The following TMEM178A variants were observed in gnomAD, a reference collection of about 807,000 sequenced individuals.
TMEM178A encodes transmembrane protein 178.
A neutral mutation model predicts 29.1 loss-of-function variants in TMEM178A; 12 were observed. The observed-to-expected ratio is 0.41, with a 90% CI of 0.26 to 0.67. The LOEUF (loss-of-function observed/expected upper bound fraction) is 0.67. TMEM178A is among the 30% of genes least tolerant of loss of function. The probability of loss-of-function intolerance (pLI) is 0.29; values close to 1 mark genes in which losing one functional copy is unlikely to be tolerated. For synonymous variants in TMEM178A, 210 were observed against 187.2 expected, an observed-to-expected ratio of 1.12 and a Z score of -0.99; for missense variants, 366 against 419.1, an observed-to-expected ratio of 0.87 and a Z score of 1.11.
intron 1 of TMEM178A, among the ~76,000 whole-genome samples, chr2:39,676,923 T>G (rs1475130898): frequency 6.6e-6 from 1 of 152,222 alleles, no homozygotes; most frequent in Admixed American, 6.5e-5. Context: ...TTTGAAGAGC[T>G]GTTTGAGTCT....
At chr2:39,670,690 C>T (rs1166078745) in intron 1 of TMEM178A, among the ~76,000 whole-genome samples, 1 of 152,206 alleles carries the variant, frequency 6.6e-6, no homozygotes, top group African/African-American at 2.4e-5. Context: ...ATGCTTCTTT[C>T]AGTTCTTGAA....
At chr2:39,724,363 CCTGA>C in the TMEM178A span, among the ~76,000 whole-genome samples, 1 of 152,124 alleles carries the variant, frequency 6.6e-6, no homozygotes, top group Non-Finnish European at 1.5e-5. Context: ...GTCCTTTCTC[CCTGA>C]CTGTCTTGAT....
chr2:39,710,114 C>G (rs1283696949), intron 3 of TMEM178A, among the ~76,000 whole-genome samples: 1 of 152,110 alleles, frequency 6.6e-6, no homozygotes, highest in African/African-American at 2.4e-5. Context: ...CAGAGGAGCT[C>G]AGAGGTCCTC....
intron 1 of TMEM178A, among the ~76,000 whole-genome samples, chr2:39,700,474 A>G (rs1228764998): frequency 6.6e-6 from 1 of 151,708 alleles, no homozygotes; most frequent in East Asian, 1.9e-4. Context: ...GTTTTGTTTG[A>G]TATTAGTATA....
chr2:39,713,708 C>A (rs1481665608), intron 3 of TMEM178A, among the ~76,000 whole-genome samples: 1 of 152,194 alleles, frequency 6.6e-6, no homozygotes, highest in Non-Finnish European at 1.5e-5. Flanking sequence ...TTAAGCCACC[C>A]AGTCCGTGGT....
intron 1 of TMEM178A, among the ~76,000 whole-genome samples, chr2:39,701,862 A>C (rs1269637655): frequency 6.6e-6 from 1 of 151,478 alleles, no homozygotes; most frequent in Admixed American, 6.6e-5. Context: ...ATACTTTTCA[A>C]CTCCAGAATT....
intron 2 of TMEM178A, among the ~76,000 whole-genome samples, chr2:39,705,898 T>C (rs1672010370): frequency 6.6e-6 from 1 of 152,220 alleles, no homozygotes; most frequent in Non-Finnish European, 1.5e-5. Flanking sequence ...TTACCTGGCC[T>C]TGGGGGCAGC....
chr2:39,683,711 G>C (rs191550301), intron 1 of TMEM178A, among the ~76,000 whole-genome samples: 1 of 152,204 alleles, frequency 6.6e-6, no homozygotes, highest in Non-Finnish European at 1.5e-5. Context: ...TGCCACAATC[G>C]TGTACCACTT....
intron 3 of TMEM178A, among the ~76,000 whole-genome samples, chr2:39,710,317 G>A (rs1179897261): frequency 1.3e-5 from 2 of 152,154 alleles, no homozygotes; most frequent in Non-Finnish European, 2.9e-5. Flanking sequence ...TGTTTTGGTT[G>A]CCCAAACAAC....
the TMEM178A span, among the ~76,000 whole-genome samples, chr2:39,726,343 G>A: frequency 0.049 from 7,496 of 152,250 alleles, 629 homozygotes; most frequent in African/African-American, 0.17. Flanking sequence ...GTCCAGGAAG[G>A]GTAGATAGCA....
In TMEM178A at chr2:39,691,462, G is replaced by A. The variant is rs116554277; in HGVS notation, c.401-12619G>A. On this transcript the variant is annotated intron_variant, in intron 1 of 3. Transcript: ENST00000281961. ...ATACTTACTTTTTAGAGTGCCTGTTGTTAAAACAAAACAAAACAAAAGGTA... is the reference window on the plus strand; with the variant it reads ...ATACTTACTTTTTAGAGTGCCTGTTATTAAAACAAAACAAAACAAAAGGTA... Among the ~76,000 whole-genome samples the A allele has an allele frequency of 4.2e-3, 637 of 152,300 alleles. 3 individuals carry two copies. Among genetic ancestry groups the A allele is most frequent in the African/African-American group, 0.014 (564 of 41,568 alleles).
the TMEM178A span, among the ~76,000 whole-genome samples, chr2:39,729,616 C>T: frequency 6.6e-6 from 1 of 152,184 alleles, no homozygotes; most frequent in Admixed American, 6.6e-5. Context: ...CTCATCCTCT[C>T]CCCTTCTGAC....
intron 3 of TMEM178A, among the ~76,000 whole-genome samples, chr2:39,708,410 T>TA (rs1491484770): frequency 7.1e-5 from 3 of 42,448 alleles, no homozygotes; most frequent in African/African-American, 3.8e-4. Flanking sequence ...AGTGACTTGA[T>TA]TTTTTTTTTT....
chr2:39,686,689 G>A (rs1189258788), intron 1 of TMEM178A, among the ~76,000 whole-genome samples: 1 of 151,238 alleles, frequency 6.6e-6, no homozygotes, highest in African/African-American at 2.4e-5. Flanking sequence ...GGAGAAGATG[G>A]GGGGGCGGAG....
chr2:39,735,183 G>T, the TMEM178A span, among the ~76,000 whole-genome samples: 1 of 152,072 alleles, frequency 6.6e-6, no homozygotes, highest in Non-Finnish European at 1.5e-5. Flanking sequence ...ACCTCTACCT[G>T]CCACCCATTA....
chr2:39,697,364 A>C (rs1466444735), intron 1 of TMEM178A, among the ~76,000 whole-genome samples: 1 of 152,196 alleles, frequency 6.6e-6, no homozygotes, highest in Non-Finnish European at 1.5e-5. Flanking sequence ...CAGTGGAACA[A>C]GTGTTTAAGA....
chr2:39,678,554 A>C (rs1670728512), intron 1 of TMEM178A, among the ~76,000 whole-genome samples: 1 of 152,066 alleles, frequency 6.6e-6, no homozygotes, highest in Admixed American at 6.5e-5. Flanking sequence ...GAAAACAGGG[A>C]GGGGATAATA....
intron 1 of TMEM178A, among the ~76,000 whole-genome samples, chr2:39,678,741 G>A (rs1052382362): frequency 6.6e-6 from 1 of 152,180 alleles, no homozygotes; most frequent in South Asian, 2.1e-4. Flanking sequence ...ACAGCTACAA[G>A]TCTGAATTTA....
At chr2:39,725,998 T>A in the TMEM178A span, among the ~76,000 whole-genome samples, 1 of 152,198 alleles carries the variant, frequency 6.6e-6, no homozygotes, top group African/African-American at 2.4e-5. Flanking sequence ...CAGAGACTGA[T>A]TTAAGTGCAG....
Sources: gnomAD v4.1 joint callset for allele counts (sites outside exome capture counted in the v4.1 genomes callset) on GRCh38, gnomAD v4.1.1 for gene constraint, MANE v1.5 for transcripts, NCBI Gene and HGNC (gene_info 2026-07-23, HGNC 2026-07-21) for gene names.